Variants in FHL5 observed in about 807,000 individuals in gnomAD.
FHL5 encodes four and a half LIM domains protein 5.
A neutral mutation model predicts 32.0 loss-of-function variants in FHL5; 33 were observed. The ratio of observed to expected loss-of-function variants is 1.03; its 90% CI spans 0.78 to 1.38. The LOEUF (loss-of-function observed/expected upper bound fraction) is 1.38. Ranked by LOEUF, FHL5 falls within the 40% of genes most tolerant of loss-of-function variation. FHL5 has a pLI of 0.00. For synonymous variants in FHL5, 114 were observed against 113.6 expected (o/e 1.00, Z -0.02); for missense variants, 336 against 343.9 (o/e 0.98, Z 0.18).
Position 96,615,598 on chromosome 6 carries a change from T to C in FHL5, c.692-11T>C. On this transcript the variant is annotated splice_polypyrimidine_tract_variant and intron_variant, in intron 5 of 5. Transcript: ENST00000450218. ...AGGATAGATTAATCTTTTTCTCCAA[T>C]TCCTTTACAGGTCTCACAGGTGCCA... 4 of 1,589,258 alleles carry C rather than the reference T, an allele frequency of 2.5e-6. No homozygotes were observed. Among genetic ancestry groups the C allele is most frequent in the Non-Finnish European group, 3.4e-6 (4 of 1,167,958 alleles).
At chr6:96,568,846 G>A (rs761654469) in intron 1 of FHL5, among the ~76,000 whole-genome samples, 7 of 151,502 alleles carry the variant, frequency 4.6e-5, no homozygotes, top group Non-Finnish European at 7.4e-5. Flanking sequence ...GGACCTTTAC[G>A]TTTTTCTTGG....
intron 5 of FHL5, 114 bp downstream of exon 5, chr6:96,610,872 C>T: frequency 4.1e-6 from 3 of 739,386 alleles, no homozygotes; most frequent in South Asian, 3.8e-5. Flanking sequence ...CTTTATATTT[C>T]CTTTTGAGAT....
chr6:96,590,150 C>T (rs1337926662), intron 1 of FHL5, among the ~76,000 whole-genome samples: 1 of 151,964 alleles, frequency 6.6e-6, no homozygotes, highest in Non-Finnish European at 1.5e-5. Flanking sequence ...TGGCCCTCTG[C>T]ATTTCTTTAT....
chr6:96,580,810 G>C (rs1158880918), intron 1 of FHL5, among the ~76,000 whole-genome samples: 1 of 152,084 alleles, frequency 6.6e-6, no homozygotes, highest in Non-Finnish European at 1.5e-5. Flanking sequence ...AACTGGAGTT[G>C]CTATTTAGGT....
chr6:96,611,473 T>A (rs1771407253), intron 5 of FHL5, among the ~76,000 whole-genome samples: 1 of 152,190 alleles, frequency 6.6e-6, no homozygotes, highest in South Asian at 2.1e-4. Flanking sequence ...GAGACACTTT[T>A]AAAATGCTAA....
At chr6:96,605,874 CT>C (rs1401555875) in intron 3 of FHL5, 27 bp from the exon 4 acceptor site, 1 of 1,596,356 alleles carries the variant, frequency 6.3e-7, no homozygotes, top group African/African-American at 1.3e-5. Context: ...TTGACTTATA[CT>C]AACATGGCCT....
intron 1 of FHL5, among the ~76,000 whole-genome samples, chr6:96,590,762 T>A (rs924499467): frequency 2.6e-5 from 4 of 152,218 alleles, no homozygotes; most frequent in Middle Eastern, 3.4e-3. Context: ...GTTTCTTTCA[T>A]TTTTAGTTTG....
At chr6:96,598,356 C>T (rs1168862193) in intron 1 of FHL5, among the ~76,000 whole-genome samples, 1 of 152,220 alleles carries the variant, frequency 6.6e-6, no homozygotes, top group African/African-American at 2.4e-5. Flanking sequence ...AATCTGCATC[C>T]TGAACACACA....
intron 1 of FHL5, among the ~76,000 whole-genome samples, chr6:96,590,116 G>A (rs1770883801): frequency 6.6e-6 from 1 of 151,832 alleles, no homozygotes; most frequent in Non-Finnish European, 1.5e-5. Context: ...TCTTGTTCTT[G>A]TTCAAAGGTG....
In FHL5 at chr6:96,604,928, G is replaced by A; in HGVS notation, c.334+4G>A. ...TGCAAGAGGACCATCATGCCTGGTA[G>A]GGTCTCAAGGGGGCTCCTGTCTCTA... On this transcript the variant is annotated splice_donor_region_variant and intron_variant, in intron 3 of 5. Coordinates refer to ENST00000450218, the MANE Select transcript of FHL5 (RefSeq NM_001322466.2). 6.3e-7 allele frequency: 1 copy of A among 1,586,354 alleles called. No homozygotes were observed. Among genetic ancestry groups the A allele is most frequent in the Non-Finnish European group, 8.6e-7 (1 of 1,164,766 alleles).
At chr6:96,584,441 GTGTGTGTGTGTGTGTGTGTT>G (rs1355423314) in intron 1 of FHL5, among the ~76,000 whole-genome samples, 2 of 106,958 alleles carry the variant, frequency 1.9e-5, no homozygotes, top group Non-Finnish European at 3.9e-5. Flanking sequence ...GGATATGTGT[GTGTGTGTGTGTGTGTGTGTT>G]TGTGTGTGTG....
At chr6:96,567,243 C>A (rs1463361358) in intron 1 of FHL5, among the ~76,000 whole-genome samples, 1 of 151,856 alleles carries the variant, frequency 6.6e-6, no homozygotes, top group Non-Finnish European at 1.5e-5. Context: ...TTCAAAGAGA[C>A]TGTTCCTTCC....
At chr6:96,596,941 C>T (rs114275447) in intron 1 of FHL5, among the ~76,000 whole-genome samples, 1,771 of 152,268 alleles carry the variant, frequency 0.012, 33 homozygotes, top group African/African-American at 0.034. Flanking sequence ...CTCTCTCTCT[C>T]TCCCAGATGC....
chr6:96,575,013 G>A (rs1210567513), intron 1 of FHL5, among the ~76,000 whole-genome samples: 1 of 152,140 alleles, frequency 6.6e-6, no homozygotes, highest in Non-Finnish European at 1.5e-5. Flanking sequence ...ACAAGTAATG[G>A]TTATTTCAGT....
intron 1 of FHL5, among the ~76,000 whole-genome samples, chr6:96,587,459 T>A (rs890834797): frequency 2.0e-5 from 3 of 152,204 alleles, no homozygotes; most frequent in African/African-American, 7.2e-5. Flanking sequence ...ATGGCTGATA[T>A]CATCACTTAC....
intron 1 of FHL5, among the ~76,000 whole-genome samples, chr6:96,599,311 T>C (rs1045447582): frequency 7.3e-5 from 11 of 150,484 alleles, no homozygotes; most frequent in Non-Finnish European, 1.6e-4. Context: ...TTCTCCTGCC[T>C]CAGCCTCCCT....
chr6:96,595,107 CT>C (rs1442492235), intron 1 of FHL5, among the ~76,000 whole-genome samples: 6 of 151,556 alleles, frequency 4.0e-5, no homozygotes, highest in East Asian at 1.9e-4. Flanking sequence ...AGAGAGTTTC[CT>C]TTTTTTCTTT....
intron 5 of FHL5, among the ~76,000 whole-genome samples, 153 bp from the exon 6 acceptor site, chr6:96,615,456 A>G (rs1162352658): frequency 6.6e-6 from 1 of 152,208 alleles, no homozygotes; most frequent in African/African-American, 2.4e-5. Flanking sequence ...CCAGATGGAC[A>G]CAGGGCCAGG....
rs7769184 is a variant in FHL5 at position 96,580,499 on chromosome 6, G to T, written c.-13+17144G>T. ...TCATAATAATACAACTTATAAATGT[G>T]CCCTTATGGACCTCAGAATTGAAAA... On this transcript the variant is annotated intron_variant, in intron 1 of 5. Transcript: ENST00000450218. Among the ~76,000 whole-genome samples the T allele has an allele frequency of 1.7e-3, 263 of 152,240 alleles. 1 individual carries two copies. Among genetic ancestry groups the T allele is most frequent in the African/African-American group, 5.6e-3 (234 of 41,554 alleles).
Sources: allele counts gnomAD v4.1 joint callset (sites outside exome capture counted in the v4.1 genomes callset), GRCh38; gene constraint gnomAD v4.1.1; transcripts MANE v1.5; gene names NCBI Gene and HGNC (gene_info 2026-07-23, HGNC 2026-07-21).